RNF220: variants seen among roughly 807,000 people sequenced by gnomAD.
RNF220 encodes the protein E3 ubiquitin-protein ligase RNF220.
In RNF220, 7 loss-of-function variants were observed where a neutral mutation model predicts 67.1. The ratio of observed to expected loss-of-function variants is 0.10; its 90% confidence interval spans 0.06 to 0.20. The LOEUF (loss-of-function observed/expected upper bound fraction) is 0.20, where lower values mean the gene tolerates loss of function less well. RNF220 is among the 10% of genes least tolerant of loss of function. RNF220 has a pLI of 1.00. For missense variants in RNF220, 565 were observed against 740.3 expected, an observed-to-expected ratio of 0.76 and a Z score of 2.75; for synonymous variants, 270 against 283.2, an observed-to-expected ratio of 0.95 and a Z score of 0.47.
chr1:44,567,588 C>T (rs558249924), intron 2 of RNF220, among the ~76,000 whole-genome samples: 1 of 151,932 alleles, frequency 6.6e-6, no homozygotes. Flanking sequence ...AGAGCCTACC[C>T]TTACTGGGGC....
At chr1:44,436,966 A>G (rs1651037494) in intron 2 of RNF220, among the ~76,000 whole-genome samples, 1 of 152,218 alleles carries the variant, frequency 6.6e-6, no homozygotes. Flanking sequence ...TATCTTGCCT[A>G]AGGCAACACT....
At position 44,650,428 on chromosome 1, in the gene RNF220, T is replaced by TCGTTAGGG; in HGVS notation, c.1630-274_1630-267dup. On this transcript the variant is annotated intron_variant, in intron 14 of 14. Coordinates refer to ENST00000361799, the MANE Select transcript of RNF220 (RefSeq NM_018150.4). The surrounding 1 kb of genome is among the most constrained non-coding windows in gnomAD (Gnocchi z 4.3). ...TCCTGATCAAAGGCCGCGTGTAATC[T>TCGTTAGGG]CGTTAGGGCTGCGGCTGCCACAGCT... 1.9e-6 allele frequency: 1 copy of TCGTTAGGG among 525,294 alleles called. No individual in the cohort carries two copies. The highest frequency in any genetic ancestry group is 3.4e-6 in the Non-Finnish European group (1 of 290,162). The allele number at this position is 525,294 out of a possible 1,614,324, so 32.5% of individuals were successfully genotyped here. A position where few individuals can be genotyped will look rare whatever the true frequency, so the allele number is the denominator to read the frequency against.
chr1:44,635,443 A>G, intron 6 of RNF220, 102 bp from the exon 7 acceptor site: 1 of 1,524,446 alleles, frequency 6.6e-7, no homozygotes, highest in Admixed American at 2.0e-5. Context: ...TAAAAAGGCC[A>G]ATGGCTGGCA....
chr1:44,549,006 G>T (rs1662401297), intron 2 of RNF220, among the ~76,000 whole-genome samples: 1 of 152,166 alleles, frequency 6.6e-6, no homozygotes, highest in South Asian at 2.1e-4. Context: ...GGGCAATGTG[G>T]TTAAACTCTG....
At chr1:44,584,426 T>C (rs1198724730) in intron 2 of RNF220, among the ~76,000 whole-genome samples, 1 of 152,254 alleles carries the variant, frequency 6.6e-6, no homozygotes, top group Non-Finnish European at 1.5e-5. Flanking sequence ...GGGATTAAGC[T>C]GTGCAGCTTA....
chr1:44,411,044 TA>T (rs1647908827), intron 1 of RNF220, among the ~76,000 whole-genome samples: 1 of 152,184 alleles, frequency 6.6e-6, no homozygotes, highest in Admixed American at 6.5e-5. Context: ...CAGAGCAAAA[TA>T]AGTCAGAAAT....
intron 2 of RNF220, among the ~76,000 whole-genome samples, chr1:44,428,343 G>A (rs1650009650): frequency 6.6e-6 from 1 of 152,158 alleles, no homozygotes; most frequent in South Asian, 2.1e-4. Context: ...AGGATGAGGA[G>A]GTGACAGAAT....
intron 1 of RNF220, among the ~76,000 whole-genome samples, chr1:44,409,308 C>T (rs1373095181): frequency 1.3e-5 from 2 of 152,214 alleles, no homozygotes; most frequent in African/African-American, 4.8e-5. Flanking sequence ...GCCTGCCAGA[C>T]AATTTATTTA....
At chr1:44,647,007 G>T (rs1205791292) in intron 12 of RNF220, among the ~76,000 whole-genome samples, 1 of 152,196 alleles carries the variant, frequency 6.6e-6, no homozygotes, top group Non-Finnish European at 1.5e-5. Context: ...TGGAGGCTTG[G>T]GTATTTCGCC....
At chr1:44,473,281 GTAAAAGC>G (rs1654985565) in intron 2 of RNF220, among the ~76,000 whole-genome samples, 1 of 152,134 alleles carries the variant, frequency 6.6e-6, no homozygotes, top group African/African-American at 2.4e-5. Flanking sequence ...AACGGTTTCT[GTAAAAGC>G]ATCGTTAGGA....
rs904936674 is a variant in RNF220 at position 44,554,505 on chromosome 1, C to T, written c.626-59660C>T. Among the ~76,000 whole-genome samples the T allele has an allele frequency of 2.0e-5, 3 of 152,104 alleles. No individual in the cohort carries two copies. The South Asian group carries it at 6.2e-4, about 32-fold the overall frequency. ...TGATGTATTCATACTCAATAAAGCT[C>T]TCTGTCCTGGAGAAAAAAGCTCCAA... On this transcript the variant is annotated intron_variant, in intron 2 of 14. Coordinates refer to ENST00000361799, the MANE Select transcript of RNF220 (RefSeq NM_018150.4).
chr1:44,592,948 C>T (rs984131761), intron 2 of RNF220, among the ~76,000 whole-genome samples: 2 of 152,078 alleles, frequency 1.3e-5, no homozygotes, highest in African/African-American at 4.8e-5. Context: ...AGGGGGATGC[C>T]ATGTGGAGAG....
At chr1:44,546,916 C>G (rs1201811150) in intron 2 of RNF220, among the ~76,000 whole-genome samples, 1 of 152,196 alleles carries the variant, frequency 6.6e-6, no homozygotes, top group Admixed American at 6.5e-5. Flanking sequence ...TGCCCCAGTC[C>G]CAGAGTCATA....
At chr1:44,410,175 C>T (rs1647825470) in intron 1 of RNF220, among the ~76,000 whole-genome samples, 1 of 152,050 alleles carries the variant, frequency 6.6e-6, no homozygotes, top group South Asian at 2.1e-4. Context: ...GGGAAACATT[C>T]CTCCCTTCAC....
At position 44,624,266 on chromosome 1, in the gene RNF220, G is replaced by C. The variant is rs1224018621; in HGVS notation, c.804+1479G>C. On this transcript the variant is annotated intron_variant, in intron 4 of 14. Coordinates refer to ENST00000361799, the MANE Select transcript of RNF220 (RefSeq NM_018150.4). This position sits in a 1 kb window ranked among gnomAD's most constrained non-coding sequence, Gnocchi z 4.2. ...TGTGGTTCAGGAAAGTCAGAGACAA[G>C]CTTCCAAGTCGGCCACCACAGGTGA... is the stretch of plus-strand genomic sequence containing the variant. Among the ~76,000 whole-genome samples, 1 of 152,222 alleles carries C rather than the reference G, an allele frequency of 6.6e-6. No homozygotes were observed. The highest frequency in any genetic ancestry group is 1.5e-5 in the Non-Finnish European group (1 of 68,038).
chr1:44,493,177 TTGTTG>T (rs1215850250), intron 2 of RNF220, among the ~76,000 whole-genome samples: 3 of 152,226 alleles, frequency 2.0e-5, no homozygotes, highest in Non-Finnish European at 1.5e-5. Context: ...ATTATTTAAA[TTGTTG>T]TGTAAAATTA....
intron 2 of RNF220, among the ~76,000 whole-genome samples, chr1:44,597,968 CTCTCTCTCTCTCTCTCTCGT>C (rs1666648300): frequency 6.8e-6 from 1 of 147,962 alleles, no homozygotes; most frequent in South Asian, 2.1e-4. Flanking sequence ...CCACCCACCT[CTCTCTCTCTCTCTCTCTCGT>C]TCTCTCTCGA....
intron 2 of RNF220, among the ~76,000 whole-genome samples, chr1:44,468,727 A>G (rs762386693): frequency 1.1e-4 from 16 of 152,114 alleles, no homozygotes; most frequent in Non-Finnish European, 2.1e-4. Flanking sequence ...CAGCCTGGCC[A>G]TCATGGTGAA....
In RNF220 at chr1:44,565,481, G is replaced by A. The variant is rs1663928111; in HGVS notation, c.626-48684G>A. On this transcript the variant is annotated intron_variant, in intron 2 of 14. Coordinates refer to ENST00000361799, the MANE Select transcript of RNF220 (RefSeq NM_018150.4). The surrounding 1 kb of genome is among the most constrained non-coding windows in gnomAD (Gnocchi z 4.2). ...GCCGCTTAATCTGCCCCTAGGAAGT[G>A]CAGGCTGGGGACAGCAGGCAGGAAG... Among the ~76,000 whole-genome samples, 1 of 152,178 alleles carries A rather than the reference G, an allele frequency of 6.6e-6. No homozygotes were observed.
Sources: gnomAD v4.1 joint callset for allele counts (sites outside exome capture counted in the v4.1 genomes callset) on GRCh38, gnomAD v4.1.1 for gene constraint, Gnocchi (gnomAD v3.1) non-coding constraint, MANE v1.5 for transcripts, NCBI Gene and HGNC (gene_info 2026-07-23, HGNC 2026-07-21) for gene names.